Variants in EXOC5 observed in about 807,000 individuals in gnomAD.
EXOC5 encodes SEC10-like 1.
A neutral mutation model predicts 90.8 loss-of-function variants in EXOC5; 17 were observed. The observed-to-expected ratio is 0.19, with a 90% CI of 0.13 to 0.28. The LOEUF is 0.28. Ranked by LOEUF, EXOC5 falls within the 10% of genes least tolerant of loss-of-function variation. EXOC5 has a pLI of 1.00. For missense variants in EXOC5, 569 were observed against 830.6 expected, an observed-to-expected ratio of 0.69 and a Z score of 3.87; for synonymous variants, 260 against 270.0, an observed-to-expected ratio of 0.96 and a Z score of 0.36.
At position 57,206,630 on chromosome 14, in the gene EXOC5, T is replaced by G. The variant is rs1170724960; in HGVS notation, c.*1979A>C. 6.6e-6 allele frequency: 1 copy of G among 152,418 alleles called. No individual in the cohort carries two copies. The highest frequency in any genetic ancestry group is 2.4e-5 in the African/African-American group (1 of 41,430). The allele number at this position is 152,418 out of a possible 1,614,324, so 9.4% of individuals were successfully genotyped here. A position where few individuals can be genotyped will look rare whatever the true frequency, so the allele number is the denominator to read the frequency against. ...TTTATTGAGCATTAATGTTAACACTTTTAAATTAAGTATTCACTTACGAAT... is the reference window on the plus strand; with the variant it reads ...TTTATTGAGCATTAATGTTAACACTGTTAAATTAAGTATTCACTTACGAAT... On this transcript the variant is annotated 3_prime_UTR_variant, in exon 18 of 18. Coordinates refer to ENST00000621441, the MANE Select transcript of EXOC5 (RefSeq NM_006544.4).
intron 12 of EXOC5, among the ~76,000 whole-genome samples, chr14:57,228,886 T>G (rs1233777955): frequency 2.6e-5 from 4 of 150,994 alleles, no homozygotes; most frequent in Admixed American, 6.6e-5. Context: ...GTCTGGAACA[T>G]ATTATGTACT....
At chr14:57,235,910 T>A in intron 6 of EXOC5, 90 bp from the exon 7 acceptor site, 1 of 677,958 alleles carries the variant, frequency 1.5e-6, no homozygotes, top group Non-Finnish European at 2.7e-6. Flanking sequence ...ATAATGACTA[T>A]GAATATAGCT....
chr14:57,264,386 A>T (rs1185496561), intron 1 of EXOC5, among the ~76,000 whole-genome samples: 1 of 152,218 alleles, frequency 6.6e-6, no homozygotes, highest in Non-Finnish European at 1.5e-5. Flanking sequence ...GAGACAAATA[A>T]ATGTGGGAAA....
chr14:57,235,861 C>T lies in EXOC5; in HGVS notation c.560-41G>A, dbSNP rs1489107217. On this transcript the variant is annotated intron_variant, in intron 6 of 17. Transcript: ENST00000621441. ...TTCAGCTACACTGAGGCATACAAGG[C>T]ATCCACGTTATTTAAGAGTATCTAC... 1.5e-5 allele frequency: 14 copies of T among 919,682 alleles called. 1 individual carries two copies. The highest frequency in any genetic ancestry group is 2.5e-5 in the Non-Finnish European group (14 of 570,986). 57.0% of individuals were successfully genotyped at this position (919,682 alleles called of 1,614,324 possible).
chr14:57,213,695 G>A (rs1882891543), intron 15 of EXOC5, among the ~76,000 whole-genome samples: 1 of 152,070 alleles, frequency 6.6e-6, no homozygotes, highest in Non-Finnish European at 1.5e-5. Context: ...CAGGCTGAGT[G>A]CAGTAGTTCA....
At chr14:57,227,077 G>T (rs1207537430) in intron 12 of EXOC5, among the ~76,000 whole-genome samples, 2 of 152,054 alleles carry the variant, frequency 1.3e-5, no homozygotes, top group African/African-American at 2.4e-5. Context: ...CTGATAAATT[G>T]TAACAATATA....
Position 57,203,856 on chromosome 14 carries a change from T to C in EXOC5, c.*4753A>G, listed in dbSNP as rs45628333. The C allele has an allele frequency of 9.3e-3, 1,414 of 152,716 alleles. 12 individuals are homozygous for C. The highest frequency in any genetic ancestry group is 0.017 in the Middle Eastern group (5 of 294). The allele number at this position is 152,716 out of a possible 1,614,324, so 9.5% of individuals were successfully genotyped here. ...GTACATATTAATATAGAAAAATACA[T>C]GTTATCAGCAGCATGATGTTGACCA... is the stretch of plus-strand genomic sequence containing the variant. On this transcript the variant is annotated 3_prime_UTR_variant, in exon 18 of 18. Coordinates refer to ENST00000621441, the MANE Select transcript of EXOC5 (RefSeq NM_006544.4).
At position 57,206,019 on chromosome 14, in the gene EXOC5, G is replaced by C. The variant is rs1192111770; in HGVS notation, c.*2590C>G. ...CAACATCATAATTTACATAAGGTAG[G>C]CTTCCTTTATTAAATTCGTATTCTG... On this transcript the variant is annotated 3_prime_UTR_variant, in exon 18 of 18. Transcript: ENST00000621441. 2.2e-6 allele frequency: 1 copy of C among 453,752 alleles called. No individual in the cohort carries two copies. Among genetic ancestry groups the C allele is most frequent in the Non-Finnish European group, 4.4e-6 (1 of 226,062 alleles). 28.1% of individuals were successfully genotyped at this position (453,752 alleles called of 1,614,324 possible).
chr14:57,267,472 A>G (rs1486805278), intron 1 of EXOC5, among the ~76,000 whole-genome samples: 1 of 152,204 alleles, frequency 6.6e-6, no homozygotes, highest in African/African-American at 2.4e-5. Context: ...AGCCACAAAA[A>G]CTGCTGAATC....
intron 4 of EXOC5, among the ~76,000 whole-genome samples, chr14:57,242,379 G>C (rs1005614621): frequency 1.3e-5 from 2 of 151,480 alleles, no homozygotes; most frequent in Non-Finnish European, 1.5e-5. Flanking sequence ...TGAGTGCTAG[G>C]ATCTATGGAC....
chr14:57,262,276 T>C (rs1346130690), intron 1 of EXOC5, among the ~76,000 whole-genome samples: 2 of 152,154 alleles, frequency 1.3e-5, no homozygotes, highest in African/African-American at 2.4e-5. Flanking sequence ...CTGAAGTAGA[T>C]ACCATTATTT....
chr14:57,235,970 A>C, intron 6 of EXOC5, 150 bp from the exon 7 acceptor site: 1 of 578,582 alleles, frequency 1.7e-6, no homozygotes, highest in Non-Finnish European at 3.1e-6. Context: ...CCGTGAACCC[A>C]GCCCCTGTAA....
Position 57,235,660 on chromosome 14 carries a change from C to G in EXOC5, c.669+51G>C, listed in dbSNP as rs374913027. 2.3e-4 allele frequency: 208 copies of G among 909,288 alleles called. 1 individual carries two copies. The South Asian group carries it at 2.3e-3, about 10-fold the overall frequency. The allele number at this position is 909,288 out of a possible 1,614,324, so 56.3% of individuals were successfully genotyped here. On this transcript the variant is annotated intron_variant, in intron 7 of 17. Transcript: ENST00000621441. ...CAGAGACTATAATATATAGAACTTACGTAATTTCCATAGCCTTGAACACTA... is the reference window on the plus strand; with the variant it reads ...CAGAGACTATAATATATAGAACTTAGGTAATTTCCATAGCCTTGAACACTA...
intron 12 of EXOC5, among the ~76,000 whole-genome samples, chr14:57,222,950 G>T (rs1407255081): frequency 6.6e-6 from 1 of 151,790 alleles, no homozygotes; most frequent in Non-Finnish European, 1.5e-5. Flanking sequence ...GAGTAAAGAT[G>T]GAGAAATTAA....
chr14:57,248,442 A>T (rs1884089837), intron 1 of EXOC5, among the ~76,000 whole-genome samples: 2 of 152,062 alleles, frequency 1.3e-5, no homozygotes, highest in Non-Finnish European at 2.9e-5. Flanking sequence ...TGATAATGTA[A>T]AAAGTTTAGA....
chr14:57,234,054 T>C, intron 7 of EXOC5, 22 bp from the exon 8 acceptor site: 1 of 1,505,666 alleles, frequency 6.6e-7, no homozygotes, highest in Middle Eastern at 1.7e-4. Context: ...AAACACATTG[T>C]TATTATTCTG....
At position 57,205,900 on chromosome 14, in the gene EXOC5, A is replaced by G. The variant is rs1329283112; in HGVS notation, c.*2709T>C. 1 of 455,948 alleles carries G rather than the reference A, an allele frequency of 2.2e-6. No individual in the cohort carries two copies. The highest frequency in any genetic ancestry group is 6.9e-5 in the East Asian group (1 of 14,400). 28.2% of individuals were successfully genotyped at this position (455,948 alleles called of 1,614,324 possible). A position where few individuals can be genotyped will look rare whatever the true frequency, so the allele number is the denominator to read the frequency against. On this transcript the variant is annotated 3_prime_UTR_variant, in exon 18 of 18. Coordinates refer to ENST00000621441, the MANE Select transcript of EXOC5 (RefSeq NM_006544.4). ...AAATGGGACCAAAAATTGTCCTGGA[A>G]TGGTCAGGTGGTCATCCATCTAAAG... is the stretch of plus-strand genomic sequence containing the variant.
Position 57,205,850 on chromosome 14 carries a change from G to A in EXOC5, c.*2759C>T, listed in dbSNP as rs1882634715. The stretch of plus-strand genomic sequence containing the variant: ...TTTTTTAAAACAAGGAAGATCCTAA[G>A]GACTTGCAACTATGGCAATCCTCAA... On this transcript the variant is annotated 3_prime_UTR_variant, in exon 18 of 18. Coordinates refer to ENST00000621441, the MANE Select transcript of EXOC5 (RefSeq NM_006544.4). 2 of 454,766 alleles carry A rather than the reference G, an allele frequency of 4.4e-6. No homozygotes were observed. The highest frequency in any genetic ancestry group is 8.8e-6 in the Non-Finnish European group (2 of 226,362). 28.2% of individuals were successfully genotyped at this position (454,766 alleles called of 1,614,324 possible). A position where few individuals can be genotyped will look rare whatever the true frequency, so the allele number is the denominator to read the frequency against.
intron 13 of EXOC5, among the ~76,000 whole-genome samples, chr14:57,221,152 C>T (rs1308352367): frequency 6.6e-6 from 1 of 152,120 alleles, no homozygotes; most frequent in Admixed American, 6.5e-5. Context: ...AAGATAACAT[C>T]TTAGTTGAGA....
Sources: allele counts gnomAD v4.1 joint callset (sites outside exome capture counted in the v4.1 genomes callset), GRCh38; gene constraint gnomAD v4.1.1; transcripts MANE v1.5; gene names NCBI Gene and HGNC (gene_info 2026-07-23, HGNC 2026-07-21).